Variants in ARHGAP20 observed in about 807,000 individuals in gnomAD.
The protein encoded by ARHGAP20 is rho GTPase-activating protein 20.
Under a neutral mutation model 73.7 loss-of-function variants are expected in ARHGAP20, and 34 were observed. The observed-to-expected ratio is 0.46, with a 90% CI of 0.35 to 0.61. The LOEUF (loss-of-function observed/expected upper bound fraction) is 0.61, where lower values mean the gene tolerates loss of function less well. Ranked by LOEUF, ARHGAP20 falls within the 20% of genes least tolerant of loss-of-function variation. The pLI is 0.00. For synonymous variants in ARHGAP20, 523 were observed against 518.2 expected (o/e 1.01, Z -0.13); for missense variants, 1,314 against 1,420.9 (o/e 0.92, Z 1.21).
At position 110,702,493 on chromosome 11, in the gene ARHGAP20, T is replaced by C. The variant is rs529545351; in HGVS notation, c.105+9634A>G. 2.6e-5 allele frequency among the ~76,000 whole-genome samples: 4 copies of C among 152,304 alleles called. No individual in the cohort carries two copies. In the East Asian group the frequency reaches 7.7e-4, roughly 29 times the overall value. On this transcript the variant is annotated intron_variant, in intron 1 of 14. Transcript: ENST00000683387. ...ACTGGCACAAGACAGGGATGCCCTC[T>C]CTCACCATTCCTATTCAACATAGTG...
At position 110,579,508 on chromosome 11, in the gene ARHGAP20, A is replaced by G; in HGVS notation, c.3438T>C (p.Gly1146=). 6.2e-7 allele frequency: 1 copy of G among 1,614,142 alleles called. No individual in the cohort carries two copies. Among genetic ancestry groups the G allele is most frequent in the Non-Finnish European group, 8.5e-7 (1 of 1,180,004 alleles). ...CMKSHEEIEP[G]SQSSSGSLPW... is the part of the protein sequence containing the mutation. ...GCAGAGAACCAGAAGAGCTCTGACTACCAGGCTCTATTTCCTCATGTGACT... is the reference window on the plus strand; with the variant it reads ...GCAGAGAACCAGAAGAGCTCTGACTGCCAGGCTCTATTTCCTCATGTGACT... The change falls in exon 15 of 15, where the codon GGT becomes GGC. Residue 1146 remains glycine, a synonymous_variant. Coordinates refer to ENST00000683387, the MANE Select transcript of ARHGAP20 (RefSeq NM_001384657.1).
intron 9 of ARHGAP20, among the ~76,000 whole-genome samples, chr11:110,597,320 C>T (rs948681986): frequency 8.7e-5 from 13 of 149,316 alleles, no homozygotes; most frequent in African/African-American, 2.7e-4. Context: ...GAAAAGGAAA[C>T]TAAACCTTTT....
At chr11:110,668,785 T>G (rs74818986) in intron 2 of ARHGAP20, among the ~76,000 whole-genome samples, 1 of 152,252 alleles carries the variant, frequency 6.6e-6, no homozygotes, top group African/African-American at 2.4e-5. Context: ...ACTTTAATAT[T>G]TGCCTTTTTT....
At chr11:110,610,060 A>T (rs1023716266) in intron 7 of ARHGAP20, among the ~76,000 whole-genome samples, 2 of 152,288 alleles carry the variant, frequency 1.3e-5, no homozygotes, top group Non-Finnish European at 2.9e-5. Context: ...TATCCAAAGG[A>T]AAAGCATAGA....
intron 2 of ARHGAP20, among the ~76,000 whole-genome samples, chr11:110,662,570 C>T (rs1401615884): frequency 6.6e-6 from 1 of 151,068 alleles, no homozygotes; most frequent in Non-Finnish European, 1.5e-5. Context: ...AGTCTGTATA[C>T]ATTATAAGAT....
chr11:110,712,104 G>T (rs771459246), intron 1 of ARHGAP20, 23 bp downstream of exon 1: 2 of 1,292,706 alleles, frequency 1.5e-6, no homozygotes, highest in Non-Finnish European at 2.0e-6. Flanking sequence ...CGGAGGGCAC[G>T]GGCCCCCGCT....
rs1329003702 is a variant in ARHGAP20, at chr11:110,591,974, T to C, written c.1143+3A>G. 6.2e-6 allele frequency: 10 copies of C among 1,613,982 alleles called. No homozygotes were observed. The highest frequency in any genetic ancestry group is 6.8e-6 in the Non-Finnish European group (8 of 1,179,888). On this transcript the variant is annotated splice_donor_region_variant and intron_variant, in intron 10 of 14. Coordinates refer to ENST00000683387, the MANE Select transcript of ARHGAP20 (RefSeq NM_001384657.1). Reference sequence around the variant, plus strand: ...TCAGTTTACAGACCAAAATGAGCCTTACCAAGACAGGTTTGGGCAGATTGT... The same window carrying C: ...TCAGTTTACAGACCAAAATGAGCCTCACCAAGACAGGTTTGGGCAGATTGT...
At chr11:110,641,279 CAG>C (rs1339469950) in intron 2 of ARHGAP20, among the ~76,000 whole-genome samples, 2 of 152,010 alleles carry the variant, frequency 1.3e-5, no homozygotes, top group Non-Finnish European at 2.9e-5. Context: ...CACTAATACA[CAG>C]AGTCACACTA....
rs187445185 is a variant in ARHGAP20 at position 110,607,355 on chromosome 11, C to G, written c.776-606G>C. On this transcript the variant is annotated intron_variant, in intron 8 of 14. Transcript: ENST00000683387. Reference sequence around the variant, plus strand: ...GAGATTGATGTTCAGAGGCAATAATCAGAAGGAAGACTGCAGGGGATCAGA... The same window carrying G: ...GAGATTGATGTTCAGAGGCAATAATGAGAAGGAAGACTGCAGGGGATCAGA... Among the ~76,000 whole-genome samples the G allele has an allele frequency of 4.8e-3, 734 of 152,244 alleles. 2 individuals are homozygous for G. Among genetic ancestry groups the G allele is most frequent in the Non-Finnish European group, 7.5e-3 (508 of 68,006 alleles).
chr11:110,588,171 CA>C (rs576008822), intron 11 of ARHGAP20, among the ~76,000 whole-genome samples: 63 of 152,300 alleles, frequency 4.1e-4, no homozygotes, highest in African/African-American at 1.5e-3. Flanking sequence ...CCACCATCAT[CA>C]CAGCTGAGAA....
chr11:110,672,747 G>A (rs1210579025), intron 2 of ARHGAP20, among the ~76,000 whole-genome samples: 2 of 152,344 alleles, frequency 1.3e-5, no homozygotes, highest in South Asian at 2.1e-4. Flanking sequence ...TGGTGAGGAT[G>A]TGAAACAACT....
chr11:110,683,434 A>G (rs1251428441), intron 2 of ARHGAP20, among the ~76,000 whole-genome samples: 1 of 152,208 alleles, frequency 6.6e-6, no homozygotes, highest in Non-Finnish European at 1.5e-5. Flanking sequence ...GGAAGTCAGG[A>G]AAGTCAGAAA....
intron 2 of ARHGAP20, among the ~76,000 whole-genome samples, chr11:110,655,476 G>A (rs1467114135): frequency 2.0e-5 from 3 of 152,136 alleles, no homozygotes; most frequent in East Asian, 3.8e-4. Flanking sequence ...CGTAAGCTCC[G>A]CAATGCCAAG....
Position 110,577,565 on chromosome 11 carries a change from C to T in ARHGAP20, c.*1805G>A. On this transcript the variant is annotated 3_prime_UTR_variant, in exon 15 of 15. Coordinates refer to ENST00000683387, the MANE Select transcript of ARHGAP20 (RefSeq NM_001384657.1). The stretch of plus-strand genomic sequence containing the variant: ...GCAGTTCTGACTGACAGTAGTATGC[C>T]CTAAGGGAAAGGGGAGTCCCTGCTG... 7.1e-6 allele frequency: 7 copies of T among 988,808 alleles called. No homozygotes were observed. Among genetic ancestry groups the T allele is most frequent in the Non-Finnish European group, 8.4e-6 (7 of 832,214 alleles). 61.3% of individuals were successfully genotyped at this position (988,808 alleles called of 1,614,324 possible).
At chr11:110,591,132 C>A (rs1431554817) in intron 10 of ARHGAP20, among the ~76,000 whole-genome samples, 1 of 152,138 alleles carries the variant, frequency 6.6e-6, no homozygotes, top group Non-Finnish European at 1.5e-5. Flanking sequence ...CTAAAAATTG[C>A]TCAGAGAGTG....
At chr11:110,618,076 A>G (rs1948524753) in intron 4 of ARHGAP20, among the ~76,000 whole-genome samples, 1 of 152,094 alleles carries the variant, frequency 6.6e-6, no homozygotes, top group Admixed American at 6.5e-5. Context: ...TTATATCGGC[A>G]AAGATACCTT....
intron 2 of ARHGAP20, among the ~76,000 whole-genome samples, 173 bp from the exon 3 acceptor site, chr11:110,630,965 A>G (rs575730495): frequency 3.9e-5 from 6 of 152,352 alleles, no homozygotes; most frequent in Admixed American, 1.3e-4. Flanking sequence ...GAAACAAAGA[A>G]AAGTTGAAAT....
At chr11:110,614,506 T>C in intron 6 of ARHGAP20, 55 bp downstream of exon 6, 5 of 1,470,522 alleles carry the variant, frequency 3.4e-6, no homozygotes, top group Non-Finnish European at 3.8e-6. Flanking sequence ...TTATCCGTAG[T>C]GTTCTGTCTT....
At chr11:110,658,464 A>G (rs1302802945) in intron 2 of ARHGAP20, among the ~76,000 whole-genome samples, 1 of 152,154 alleles carries the variant, frequency 6.6e-6, no homozygotes, top group African/African-American at 2.4e-5. Flanking sequence ...CACAAAAACT[A>G]GAATATATAT....
Sources: allele counts gnomAD v4.1 joint callset (sites outside exome capture counted in the v4.1 genomes callset), GRCh38; gene constraint gnomAD v4.1.1; transcripts MANE v1.5; gene names NCBI Gene and HGNC (gene_info 2026-07-23, HGNC 2026-07-21).